Variants in DISP3 observed in about 807,000 individuals in gnomAD.
DISP3 encodes dispatched RND transporter family member 3.
DISP3 carries 101 observed loss-of-function variants against 135.3 expected under a neutral mutation model. The ratio of observed to expected loss-of-function variants is 0.75; its 90% confidence interval spans 0.64 to 0.88. DISP3 has a LOEUF of 0.88. Among genes scored for constraint, DISP3 ranks in the 40% least tolerant of loss-of-function variants. DISP3 has a pLI of 0.00. For synonymous variants in DISP3, 856 were observed against 817.0 expected (o/e 1.05, Z -0.81); for missense variants, 1,713 against 1,878.6 (o/e 0.91, Z 1.63).
rs1223640108 is a variant in DISP3 at position 11,514,493 on chromosome 1, G to C, written c.1420G>C (p.Ala474Pro). 6.2e-7 allele frequency: 1 copy of C among 1,614,038 alleles called. No homozygotes were observed. Among genetic ancestry groups the C allele is most frequent in the Admixed American group, 1.7e-5 (1 of 60,008 alleles). Reference sequence around the variant, plus strand: ...GGCCTTCATCAGCAGCAGCTGCATTGCTGCCCTGGTCTACATCCTCACCTC... The same window carrying C: ...GGCCTTCATCAGCAGCAGCTGCATTCCTGCCCTGGTCTACATCCTCACCTC... ...LLAFISSSCIAALVYILTSCS... is the reference protein window; with the variant it reads ...LLAFISSSCIPALVYILTSCS... Residue 474 changes from alanine (A) to proline (P), a missense_variant, in exon 4 of 21, where the codon GCT becomes CCT. Coordinates refer to ENST00000294484, the MANE Select transcript of DISP3 (RefSeq NM_020780.2).
At chr1:11,524,101 G>C (rs779289252) in intron 11 of DISP3, 46 bp downstream of exon 11, 2 of 1,418,618 alleles carry the variant, frequency 1.4e-6, no homozygotes, top group Admixed American at 1.7e-5. Flanking sequence ...CTGGTGCTAG[G>C]GTTGAAGGCC....
chr1:11,502,595 G>A, intron 2 of DISP3, 83 bp from the exon 3 acceptor site: 3 of 1,101,426 alleles, frequency 2.7e-6, no homozygotes, highest in Non-Finnish European at 3.9e-6. Flanking sequence ...AGGCAGGGCT[G>A]CAATGAGACT....
In DISP3 at chr1:11,525,157, A is replaced by T. The variant is rs539867495; in HGVS notation, c.2477-19A>T. On this transcript the variant is annotated intron_variant, in intron 11 of 20. Coordinates refer to ENST00000294484, the MANE Select transcript of DISP3 (RefSeq NM_020780.2). ...TCGAGGTCAAGTCCACCCCTCTTTC[A>T]TCCCTTATTTGTCCGTAGATTTCCC... is the stretch of plus-strand genomic sequence containing the variant. 1 of 1,611,906 alleles carries T rather than the reference A, an allele frequency of 6.2e-7. No individual in the cohort carries two copies. Among genetic ancestry groups the T allele is most frequent in the Non-Finnish European group, 8.5e-7 (1 of 1,178,382 alleles).
chr1:11,533,745 A>G lies in DISP3; in HGVS notation c.3376-636A>G, dbSNP rs12089775. 1.3e-4 allele frequency: 35 copies of G among 275,394 alleles called. No individual in the cohort carries two copies. In the Admixed American group the frequency reaches 2.4e-3, roughly 19 times the overall value. 17.1% of individuals were successfully genotyped at this position (275,394 alleles called of 1,614,324 possible). Reference sequence around the variant, plus strand: ...AGCACTCAGACACGCATGCACACACACACGCAGACCTACTATGAACTGGCT... The same window carrying G: ...AGCACTCAGACACGCATGCACACACGCACGCAGACCTACTATGAACTGGCT... On this transcript the variant is annotated intron_variant, in intron 17 of 20. Coordinates refer to ENST00000294484, the MANE Select transcript of DISP3 (RefSeq NM_020780.2).
At chr1:11,489,596 C>A (rs758954784) in intron 1 of DISP3, among the ~76,000 whole-genome samples, 2 of 152,252 alleles carry the variant, frequency 1.3e-5, no homozygotes, top group Non-Finnish European at 2.9e-5. Context: ...CCCCCTTGCT[C>A]TGCCTCAGTC....
chr1:11,535,760 G>C (rs1019807355), intron 20 of DISP3, 116 bp downstream of exon 20: 278 of 1,341,464 alleles, frequency 2.1e-4, no homozygotes, highest in Non-Finnish European at 2.6e-4. Context: ...CCCCCATGCA[G>C]GCTGTGTTCT....
intron 13 of DISP3, among the ~76,000 whole-genome samples, chr1:11,527,764 C>T (rs1333581818): frequency 1.3e-5 from 2 of 152,182 alleles, no homozygotes; most frequent in African/African-American, 2.4e-5. Flanking sequence ...GCATTTACTG[C>T]TCTCTGTGCC....
At chr1:11,496,631 A>G (rs1308638783) in intron 1 of DISP3, among the ~76,000 whole-genome samples, 1 of 152,198 alleles carries the variant, frequency 6.6e-6, no homozygotes, top group Non-Finnish European at 1.5e-5. Flanking sequence ...AAACAAATTT[A>G]CAATTTGCTG....
At position 11,502,721 on chromosome 1, in the gene DISP3, T is replaced by C. The variant is rs1322591180; in HGVS notation, c.1140T>C (p.Tyr380=). Reference sequence around the variant, plus strand: ...TGACTCACCCTGAGTTCTACTGGTATGTGGATGAGGGCCTCTCTGCAGACA... The same window carrying C: ...TGACTCACCCTGAGTTCTACTGGTACGTGGATGAGGGCCTCTCTGCAGACA... ...LAMTHPEFYW[Y]VDEGLSADNL... is the part of the protein sequence containing the mutation. Residue 380 remains tyrosine (Y), a synonymous_variant, in exon 3 of 21, where the codon TAT becomes TAC. Coordinates refer to ENST00000294484, the MANE Select transcript of DISP3 (RefSeq NM_020780.2). 3.1e-6 allele frequency: 5 copies of C among 1,614,062 alleles called. No individual in the cohort carries two copies. In the East Asian group the frequency reaches 1.1e-4, roughly 36 times the overall value.
rs1352416380 is a variant in DISP3 at position 11,519,250 on chromosome 1, G to A, written c.1890-105G>A. Reference sequence around the variant, plus strand: ...GGTGCTCATCCTGTGTGTGACGTCAGCAGCACTGTGATACCTGGGTTCATC... The same window carrying A: ...GGTGCTCATCCTGTGTGTGACGTCAACAGCACTGTGATACCTGGGTTCATC... On this transcript the variant is annotated intron_variant, in intron 7 of 20. Coordinates refer to ENST00000294484, the MANE Select transcript of DISP3 (RefSeq NM_020780.2). This position sits in a 1 kb window ranked among gnomAD's most constrained non-coding sequence, Gnocchi z 4.3. 1.5e-6 allele frequency: 2 copies of A among 1,349,154 alleles called. No homozygotes were observed. Among genetic ancestry groups the A allele is most frequent in the African/African-American group, 2.9e-5 (2 of 69,554 alleles). 83.6% of individuals were successfully genotyped at this position (1,349,154 alleles called of 1,614,324 possible). A position where few individuals can be genotyped will look rare whatever the true frequency, so the allele number is the denominator to read the frequency against.
chr1:11,501,876 T>G lies in DISP3; in HGVS notation c.884T>G (p.Leu295Arg), dbSNP rs1245882521. The change falls in exon 2 of 21, where the codon CTG becomes CGG. Residue 295 changes from leucine to arginine, a missense_variant. This residue lies in a region of DISP3 where 571 missense variants were observed against 494.1 expected (regional missense o/e 1.16). Coordinates refer to ENST00000294484, the MANE Select transcript of DISP3 (RefSeq NM_020780.2). This position sits in a 1 kb window ranked among gnomAD's most constrained non-coding sequence, Gnocchi z 4.9. The stretch of plus-strand genomic sequence containing the variant: ...CGCAACATTTTCACCAGTGAGCGCC[T>G]GGTCACGATCCATGAGATCGAGCGC... ...AERNIFTSER[L>R]VTIHEIERKI... 1 of 1,613,180 alleles carries G rather than the reference T, an allele frequency of 6.2e-7. No homozygotes were observed.
At chr1:11,523,796 T>C in intron 10 of DISP3, 146 bp from the exon 11 acceptor site, 1 of 600,124 alleles carries the variant, frequency 1.7e-6, no homozygotes, top group South Asian at 2.3e-5. Context: ...TTCTAGTTTC[T>C]TTCTGACCCC....
intron 1 of DISP3, among the ~76,000 whole-genome samples, chr1:11,489,781 C>T (rs1557591998): frequency 6.6e-6 from 1 of 152,184 alleles, no homozygotes; most frequent in Non-Finnish European, 1.5e-5. Context: ...TTCTGCTGCC[C>T]CAGGCACAGA....
chr1:11,501,379 G>T lies in DISP3; in HGVS notation c.387G>T (p.Gln129His). 6.2e-7 allele frequency: 1 copy of T among 1,609,108 alleles called. No individual in the cohort carries two copies. The highest frequency in any genetic ancestry group is 1.3e-5 in the African/African-American group (1 of 74,994). ...CTCTCACTCTGGCGCTTAAGTCCCAGTTTGGATCCTGGGGGCGGAACCGGC... is the reference window on the plus strand; with the variant it reads ...CTCTCACTCTGGCGCTTAAGTCCCATTTTGGATCCTGGGGGCGGAACCGGC... ...FDALTLALKS[Q>H]FGSWGRNRRD... Residue 129 changes from glutamine (Q) to histidine (H), a missense_variant, in exon 2 of 21, where the codon CAG becomes CAT. Gln to His is a conservative substitution (Grantham distance 24, BLOSUM62 0). Around this residue, in one of 2 missense-constraint regions of DISP3, gnomAD observed 571 missense variants for 494.1 expected, o/e 1.16. Coordinates refer to ENST00000294484, the MANE Select transcript of DISP3 (RefSeq NM_020780.2). The surrounding 1 kb of genome is among the most constrained non-coding windows in gnomAD (Gnocchi z 4.9).
Position 11,534,371 on chromosome 1 carries a change from C to T in DISP3, c.3376-10C>T, listed in dbSNP as rs1220821938. The T allele has an allele frequency of 1.9e-6, 3 of 1,614,086 alleles. No individual in the cohort carries two copies. In the African/African-American group the frequency reaches 4.0e-5, roughly 22 times the overall value. On this transcript the variant is annotated splice_polypyrimidine_tract_variant and intron_variant, in intron 17 of 20. Coordinates refer to ENST00000294484, the MANE Select transcript of DISP3 (RefSeq NM_020780.2). ...CTGCCTGTCTCACTAGCTCACATCT[C>T]TCCCCACAGACCACGTACAAGGGCA...
chr1:11,514,411 G>A lies in DISP3; in HGVS notation c.1338G>A (p.Gly446=). ...CCAGCAAAGTCCAGGTTCTCTATGG[G>A]GGGACAGACCTGTTTGACTATGAAG... The part of the protein sequence containing the change: ...QSTSKVQVLY[G]GTDLFDYEVR... The change falls in exon 4 of 21, where the codon GGG becomes GGA. Residue 446 remains glycine (G), a synonymous_variant. Coordinates refer to ENST00000294484, the MANE Select transcript of DISP3 (RefSeq NM_020780.2). 1 of 1,613,060 alleles carries A rather than the reference G, an allele frequency of 6.2e-7. No individual in the cohort carries two copies. The highest frequency in any genetic ancestry group is 8.5e-7 in the Non-Finnish European group (1 of 1,179,038).
intron 1 of DISP3, among the ~76,000 whole-genome samples, chr1:11,489,175 G>A (rs1382362148): frequency 6.6e-6 from 1 of 152,218 alleles, no homozygotes; most frequent in Non-Finnish European, 1.5e-5. Flanking sequence ...GTGAGGCTGC[G>A]GGTACAGCCC....
intron 3 of DISP3, among the ~76,000 whole-genome samples, chr1:11,512,267 T>C (rs991338975): frequency 2.7e-4 from 41 of 152,172 alleles, no homozygotes; most frequent in Non-Finnish European, 2.5e-4. Flanking sequence ...GTTTTTTTTT[T>C]CCATTGCATT....
intron 3 of DISP3, among the ~76,000 whole-genome samples, chr1:11,509,686 A>C (rs1641803924): frequency 6.6e-6 from 1 of 152,170 alleles, no homozygotes; most frequent in African/African-American, 2.4e-5. Context: ...TTTTTTATGA[A>C]TATAACCAAT....
Sources: allele counts gnomAD v4.1 joint callset (sites outside exome capture counted in the v4.1 genomes callset), GRCh38; gene constraint gnomAD v4.1.1; regional missense constraint gnomAD v4.1.1; non-coding constraint Gnocchi (gnomAD v3.1); transcripts MANE v1.5; gene names NCBI Gene and HGNC (gene_info 2026-07-23, HGNC 2026-07-21).